The following MTF1 variants were observed in gnomAD, a reference collection of about 807,000 sequenced individuals.
MTF1 encodes the protein MRE-binding transcription factor.
Under a neutral mutation model 70.4 loss-of-function variants are expected in MTF1, and 22 were observed. The ratio of observed to expected loss-of-function variants is 0.31; its 90% CI spans 0.22 to 0.45. The LOEUF is 0.45. Ranked by LOEUF, MTF1 falls within the 20% of genes least tolerant of loss-of-function variation. The probability of loss-of-function intolerance (pLI) is 1.00; values close to 1 mark genes in which losing one functional copy is unlikely to be tolerated. For synonymous variants in MTF1, 333 were observed against 352.8 expected, an observed-to-expected ratio of 0.94 and a Z score of 0.63; for missense variants, 649 against 922.0, an observed-to-expected ratio of 0.70 and a Z score of 3.83.
chr1:37,828,303 GT>G (rs1364677144), intron 7 of MTF1: 1 of 391,568 alleles, frequency 2.6e-6, no homozygotes, highest in Non-Finnish European at 4.9e-6. Context: ...ATGTTATTTT[GT>G]TTGTTTTCTT....
chr1:37,829,241 A>G (rs1477850630), intron 7 of MTF1, among the ~76,000 whole-genome samples: 1 of 151,786 alleles, frequency 6.6e-6, no homozygotes, highest in African/African-American at 2.4e-5. Flanking sequence ...GATAGCTGGG[A>G]CAACACCAGC....
chr1:37,843,543 T>G (rs535226986), intron 2 of MTF1, among the ~76,000 whole-genome samples: 1 of 152,310 alleles, frequency 6.6e-6, no homozygotes, highest in East Asian at 1.9e-4. Context: ...AAAAAATAGT[T>G]TAGGCTTTGT....
At chr1:37,828,565 A>G (rs1167074773) in intron 7 of MTF1, among the ~76,000 whole-genome samples, 1 of 152,106 alleles carries the variant, frequency 6.6e-6, no homozygotes, top group Non-Finnish European at 1.5e-5. Flanking sequence ...TCAGCCTCCC[A>G]AAGTGTTGGG....
At chr1:37,835,775 T>A in intron 4 of MTF1, 31 bp from the exon 5 acceptor site, 1 of 1,558,204 alleles carries the variant, frequency 6.4e-7, no homozygotes, top group Non-Finnish European at 8.9e-7. Flanking sequence ...GAAACAGGAG[T>A]CATTAGCTAA....
rs1640776947 is a variant in MTF1 at position 37,813,961 on chromosome 1, A to G, written c.*1175T>C. On this transcript the variant is annotated 3_prime_UTR_variant, in exon 11 of 11. Transcript: ENST00000373036. ...GGAAAGGGAATTTTTTTGTTTTGCT[A>G]TACCCTGAGTAGAAGATCATCGTTT... The G allele has an allele frequency of 6.6e-6, 1 of 151,514 alleles. No individual in the cohort carries two copies. Among genetic ancestry groups the G allele is most frequent in the Non-Finnish European group, 1.5e-5 (1 of 67,726 alleles). The allele number at this position is 151,514 out of a possible 1,614,324, so 9.4% of individuals were successfully genotyped here. A position where few individuals can be genotyped will look rare whatever the true frequency, so the allele number is the denominator to read the frequency against.
At chr1:37,856,639 A>T (rs571907227) in intron 2 of MTF1, among the ~76,000 whole-genome samples, 82 of 151,064 alleles carry the variant, frequency 5.4e-4, no homozygotes, top group Admixed American at 4.8e-3. Context: ...AGCTGGGATT[A>T]CAGCCATGTG....
rs538528726 is a variant in MTF1 at position 37,839,840 on chromosome 1, T to G, written c.647+80A>C. 9.0e-5 allele frequency: 102 copies of G among 1,128,464 alleles called. No individual in the cohort carries two copies. The African/African-American group carries it at 1.3e-3, about 14-fold the overall frequency. The allele number at this position is 1,128,464 out of a possible 1,614,324, so 69.9% of individuals were successfully genotyped here. A position where few individuals can be genotyped will look rare whatever the true frequency, so the allele number is the denominator to read the frequency against. The stretch of plus-strand genomic sequence containing the variant: ...TTAAAGCCCTGAAAGTGAAAACAAC[T>G]CCTCTGCAAGGGGAAAGAGCTCTGC... On this transcript the variant is annotated intron_variant, in intron 3 of 10. Coordinates refer to ENST00000373036, the MANE Select transcript of MTF1 (RefSeq NM_005955.3).
At chr1:37,827,439 G>A (rs763438045) in intron 7 of MTF1, among the ~76,000 whole-genome samples, 2 of 151,654 alleles carry the variant, frequency 1.3e-5, no homozygotes, top group Non-Finnish European at 2.9e-5. Flanking sequence ...CTCACTGCAA[G>A]CTCCACCTCC....
intron 9 of MTF1, 96 bp from the exon 10 acceptor site, chr1:37,817,578 G>C: frequency 3.6e-6 from 3 of 842,436 alleles, no homozygotes; most frequent in Admixed American, 1.9e-5. Flanking sequence ...CATCCAAGAA[G>C]ACAGAAAACC....
In MTF1 at chr1:37,840,188, G is replaced by A. The variant is rs911188415; in HGVS notation, c.409-30C>T. On this transcript the variant is annotated intron_variant, in intron 2 of 10. Transcript: ENST00000373036. The surrounding 1 kb of genome is among the most constrained non-coding windows in gnomAD (Gnocchi z 4.5). ...CAGAGAAAAGATACCTCATCAACAG[G>A]ACAAAAATGCTGCCCAGGGCTTAAC... is the stretch of plus-strand genomic sequence containing the variant. 6.2e-7 allele frequency: 1 copy of A among 1,603,990 alleles called. No homozygotes were observed.
At chr1:37,821,750 A>C (rs1640913428) in intron 9 of MTF1, among the ~76,000 whole-genome samples, 1 of 152,214 alleles carries the variant, frequency 6.6e-6, no homozygotes, top group Non-Finnish European at 1.5e-5. Flanking sequence ...TGACTGGGTC[A>C]CATCAGTCCC....
rs1380989574 is a variant in MTF1 at position 37,810,660 on chromosome 1, C to T, written c.*4476G>A. 6.6e-6 allele frequency: 1 copy of T among 152,234 alleles called. No homozygotes were observed. Among genetic ancestry groups the T allele is most frequent in the East Asian group, 1.9e-4 (1 of 5,202 alleles). 9.4% of individuals were successfully genotyped at this position (152,234 alleles called of 1,614,324 possible). ...CCAAATATTAAGGAACAGACAATTT[C>T]TGATCTATGTCACAGCAGAACTATT... On this transcript the variant is annotated 3_prime_UTR_variant, in exon 11 of 11. Coordinates refer to ENST00000373036, the MANE Select transcript of MTF1 (RefSeq NM_005955.3).
chr1:37,859,372 A>C (rs1641564334), intron 1 of MTF1, among the ~76,000 whole-genome samples, 159 bp downstream of exon 1: 1 of 152,196 alleles, frequency 6.6e-6, no homozygotes, highest in African/African-American at 2.4e-5. Context: ...GAAACAGGGA[A>C]GGGGGGCTGG....
intron 2 of MTF1, among the ~76,000 whole-genome samples, chr1:37,847,793 C>T (rs1641355599): frequency 6.6e-6 from 1 of 151,978 alleles, no homozygotes; most frequent in African/African-American, 2.4e-5. Flanking sequence ...CCCAGAAGTT[C>T]GAGACCAGCA....
chr1:37,823,423 C>A (rs544037514), intron 8 of MTF1, among the ~76,000 whole-genome samples: 57 of 139,364 alleles, frequency 4.1e-4, no homozygotes, highest in Admixed American at 1.6e-3. Context: ...ATCTGGGTGA[C>A]AAAATGAGAC....
chr1:37,822,402 C>T lies in MTF1; in HGVS notation c.1486G>A (p.Val496Ile), dbSNP rs376574379. 1.9e-6 allele frequency: 3 copies of T among 1,614,042 alleles called. No homozygotes were observed. The highest frequency in any genetic ancestry group is 2.5e-6 in the Non-Finnish European group (3 of 1,180,028). ...CCAGCAACAACAGAAAGTCCTGGTA[C>T]AATGGGCTGCGGTGCCTGGGGGTGC... ...LPHPQAPQPI[V>I]PGLSVVAGAS... The change falls in exon 9 of 11, where the codon GTA becomes ATA. Residue 496 changes from valine to isoleucine, a missense_variant. Val to Ile is a conservative substitution (Grantham distance 29). Coordinates refer to ENST00000373036, the MANE Select transcript of MTF1 (RefSeq NM_005955.3).
At chr1:37,857,172 C>T in intron 2 of MTF1, 79 bp downstream of exon 2, 1 of 1,437,928 alleles carries the variant, frequency 7.0e-7, no homozygotes, top group South Asian at 1.3e-5. Context: ...CCTTTACTCC[C>T]CAGCTAAAAT....
chr1:37,818,784 GGAGATC>G (rs1473362608), intron 9 of MTF1, among the ~76,000 whole-genome samples: 1 of 151,762 alleles, frequency 6.6e-6, no homozygotes, highest in Non-Finnish European at 1.5e-5. Context: ...CACGAGGTCA[GGAGATC>G]GAGACCATCC....
At chr1:37,848,454 G>C (rs915336533) in intron 2 of MTF1, among the ~76,000 whole-genome samples, 2 of 152,136 alleles carry the variant, frequency 1.3e-5, no homozygotes, top group African/African-American at 4.8e-5. Context: ...CATCACAGAA[G>C]AAACAAGTAA....
Sources: allele counts gnomAD v4.1 joint callset (sites outside exome capture counted in the v4.1 genomes callset), GRCh38; gene constraint gnomAD v4.1.1; non-coding constraint Gnocchi (gnomAD v3.1); transcripts MANE v1.5; gene names NCBI Gene and HGNC (gene_info 2026-07-23, HGNC 2026-07-21).